The following PPIL2 variants were observed in gnomAD, a reference collection of about 807,000 sequenced individuals.
PPIL2 encodes the protein RING-type E3 ubiquitin-protein ligase PPIL2.
PPIL2 carries 50 observed loss-of-function variants against 75.2 expected under a neutral mutation model. The observed-to-expected ratio is 0.66, with a 90% CI of 0.53 to 0.84. The LOEUF (loss-of-function observed/expected upper bound fraction) is 0.84, where lower values mean the gene tolerates loss of function less well. PPIL2 is among the 40% of genes least tolerant of loss of function. The probability of loss-of-function intolerance (pLI) is 0.00; values close to 1 mark genes in which losing one functional copy is unlikely to be tolerated. For synonymous variants in PPIL2, 245 were observed against 258.8 expected, an observed-to-expected ratio of 0.95 and a Z score of 0.51; for missense variants, 590 against 685.0, an observed-to-expected ratio of 0.86 and a Z score of 1.55.
intron 7 of PPIL2, 43 bp downstream of exon 7, chr22:21,681,433 C>A: frequency 6.6e-7 from 1 of 1,526,638 alleles, no homozygotes; most frequent in Non-Finnish European, 9.1e-7. Context: ...GTGGGGAGAT[C>A]TCTGCTGTGT....
At chr22:21,688,438 T>G (rs2067473309) in intron 14 of PPIL2, among the ~76,000 whole-genome samples, 1 of 152,154 alleles carries the variant, frequency 6.6e-6, no homozygotes, top group Admixed American at 6.5e-5. Flanking sequence ...TCCCCCAACC[T>G]CTGTATTCCC....
intron 7 of PPIL2, 94 bp downstream of exon 7, chr22:21,681,484 G>GTAGTACAGGCTGTGT: frequency 6.9e-6 from 8 of 1,152,664 alleles, no homozygotes; most frequent in Middle Eastern, 2.2e-4. Context: ...CTACGTGTAC[G>GTAGTACAGGCTGTGT]GCCTGTCCTC....
chr22:21,670,298 G>T, intron 2 of PPIL2: 1 of 1,468,194 alleles, frequency 6.8e-7, no homozygotes, highest in East Asian at 2.6e-5. Flanking sequence ...AATATTTTCA[G>T]CTGTCAAAAC....
chr22:21,692,328 G>A, intron 15 of PPIL2, among the ~76,000 whole-genome samples: 1 of 151,666 alleles, frequency 6.6e-6, no homozygotes, highest in East Asian at 2.0e-4. Context: ...CTAATTTTTT[G>A]TATTTTTAGT....
rs777369782 is a variant in PPIL2 at position 21,694,924 on chromosome 22, T to C, written c.1333-13T>C. On this transcript the variant is annotated splice_polypyrimidine_tract_variant and intron_variant, in intron 18 of 19. Coordinates refer to ENST00000398831, the MANE Select transcript of PPIL2 (RefSeq NM_014337.4). ...AGGTGCTGCCGGTTAGCCAGCGCCCTGTTGTGCCACAGATTGCGCAGGAGC... is the reference window on the plus strand; with the variant it reads ...AGGTGCTGCCGGTTAGCCAGCGCCCCGTTGTGCCACAGATTGCGCAGGAGC... The C allele has an allele frequency of 1.2e-6, 2 of 1,612,150 alleles. No individual in the cohort carries two copies. The highest frequency in any genetic ancestry group is 4.5e-5 in the East Asian group (2 of 44,882).
At position 21,696,760 on chromosome 22, in the gene PPIL2, G is replaced by A; in HGVS notation, c.*1270G>A. 1.3e-6 allele frequency: 2 copies of A among 1,543,164 alleles called. No individual in the cohort carries two copies. Among genetic ancestry groups the A allele is most frequent in the South Asian group, 1.2e-5 (1 of 84,056 alleles). On this transcript the variant is annotated 3_prime_UTR_variant, in exon 20 of 20. Transcript: ENST00000398831. ...TGAACCTGTCAGCAACTTGCAGGCT[G>A]TACCTCTGCCCTTCCTTTTCTCATC...
intron 12 of PPIL2, 118 bp downstream of exon 12, chr22:21,687,116 T>A (rs1375829763): frequency 1.0e-6 from 1 of 1,000,002 alleles, no homozygotes; most frequent in Admixed American, 2.0e-5. Flanking sequence ...ATTCAGCCTG[T>A]CACTAGGCGG....
chr22:21,677,693 G>A (rs753266429), intron 6 of PPIL2, among the ~76,000 whole-genome samples: 5 of 74,038 alleles, frequency 6.8e-5, no homozygotes, highest in Admixed American at 2.8e-4. Flanking sequence ...CCTGGGGAGC[G>A]GGAGCGGGAG....
At chr22:21,687,200 C>T (rs1409623062) in intron 12 of PPIL2, among the ~76,000 whole-genome samples, 2 of 152,096 alleles carry the variant, frequency 1.3e-5, no homozygotes, top group Non-Finnish European at 1.5e-5. Context: ...GTGCCAGTGT[C>T]TCAGAGAAGG....
At chr22:21,698,400 T>C (rs990001962), downstream of PPIL2, 2 of 152,210 alleles carry the variant, frequency 1.3e-5, no homozygotes, top group Non-Finnish European at 2.9e-5. Flanking sequence ...AAGCTCTAAA[T>C]AGAACTTTAG....
At chr22:21,669,515 T>G (rs2066543191) in intron 1 of PPIL2, 2 of 354,084 alleles carry the variant, frequency 5.6e-6, no homozygotes, top group African/African-American at 2.1e-5. Flanking sequence ...TTGTTTGTTT[T>G]TTTGAGACAG....
chr22:21,677,565 C>T (rs1346429069), intron 6 of PPIL2, among the ~76,000 whole-genome samples: 4 of 152,182 alleles, frequency 2.6e-5, no homozygotes, highest in South Asian at 2.1e-4. Flanking sequence ...GGCGTGGCGG[C>T]GCGCGCCTGC....
Position 21,681,303 on chromosome 22 carries a change from G to A in PPIL2, c.300G>A (p.Lys100=). 19 of 1,613,306 alleles carry A rather than the reference G, an allele frequency of 1.2e-5. No homozygotes were observed. Among genetic ancestry groups the A allele is most frequent in the East Asian group, 2.2e-5 (1 of 44,884 alleles). Residue 100 remains lysine (K), a synonymous_variant, in exon 7 of 20, where the codon AAG becomes AAA. Coordinates refer to ENST00000398831, the MANE Select transcript of PPIL2 (RefSeq NM_014337.4). ...KLNFSKNSEG[K]YHCPVLFTVF... ...CTGTGTGTGCCTTCTCTCTAGGGAA[G>A]TACCACTGCCCAGTGCTGTTTACCG...
intron 6 of PPIL2, among the ~76,000 whole-genome samples, chr22:21,679,675 A>T (rs900253927): frequency 1.3e-5 from 2 of 151,446 alleles, no homozygotes; most frequent in Non-Finnish European, 2.9e-5. Context: ...GACCTCAAGC[A>T]ATCCTCCCAC....
chr22:21,681,421 C>T (rs751017682), intron 7 of PPIL2, 31 bp downstream of exon 7: 47 of 1,556,716 alleles, frequency 3.0e-5, no homozygotes, highest in South Asian at 2.3e-4. Flanking sequence ...GTGGAGACAG[C>T]GGTGGGGAGA....
intron 10 of PPIL2, among the ~76,000 whole-genome samples, chr22:21,686,002 T>A (rs2067343310): frequency 6.6e-6 from 1 of 151,574 alleles, no homozygotes; most frequent in Non-Finnish European, 1.5e-5. Context: ...AGACCTTATC[T>A]CTACAAAAAA....
intron 5 of PPIL2, among the ~76,000 whole-genome samples, 154 bp downstream of exon 5, chr22:21,672,535 C>G (rs902893166): frequency 6.6e-6 from 1 of 152,200 alleles, no homozygotes; most frequent in Non-Finnish European, 1.5e-5. Flanking sequence ...TCTCCCCACA[C>G]CCATTCTTTT....
At chr22:21,687,999 G>A in intron 13 of PPIL2, 74 bp from the exon 14 acceptor site, 1 of 1,579,286 alleles carries the variant, frequency 6.3e-7, no homozygotes, top group Non-Finnish European at 8.7e-7. Flanking sequence ...GGCAGGAGGG[G>A]TGTCCTTCAG....
rs1349004517 is a variant in PPIL2 at position 21,697,868 on chromosome 22, C to T, written c.*2378C>T. On this transcript the variant is annotated 3_prime_UTR_variant, in exon 20 of 20. Coordinates refer to ENST00000398831, the MANE Select transcript of PPIL2 (RefSeq NM_014337.4). ...TAAAACCATTTGAATTTTTAACGAC[C>T]TGATGAGGGCATCAGGTAAATTAAA... The T allele has an allele frequency of 1.3e-5, 2 of 152,292 alleles. No individual in the cohort carries two copies. The highest frequency in any genetic ancestry group is 1.5e-5 in the Non-Finnish European group (1 of 68,032). 9.4% of individuals were successfully genotyped at this position (152,292 alleles called of 1,614,324 possible). A position where few individuals can be genotyped will look rare whatever the true frequency, so the allele number is the denominator to read the frequency against.
Sources: gnomAD v4.1 joint callset for allele counts (sites outside exome capture counted in the v4.1 genomes callset) on GRCh38, gnomAD v4.1.1 for gene constraint, MANE v1.5 for transcripts, NCBI Gene and HGNC (gene_info 2026-07-23, HGNC 2026-07-21) for gene names.